The following ATP9A variants were observed in gnomAD, a reference collection of about 807,000 sequenced individuals.
The protein encoded by ATP9A is ATPase phospholipid transporting 9A.
A neutral mutation model predicts 144.1 loss-of-function variants in ATP9A; 52 were observed. The observed-to-expected ratio is 0.36, with a 90% CI of 0.29 to 0.45. The LOEUF (loss-of-function observed/expected upper bound fraction) is 0.45. Among genes scored for constraint, ATP9A ranks in the 20% least tolerant of loss-of-function variants. ATP9A has a pLI of 1.00. For missense variants in ATP9A, 947 were observed against 1,392.7 expected (o/e 0.68, Z 5.09); for synonymous variants, 582 against 557.4 (o/e 1.04, Z -0.62).
intron 27 of ATP9A, among the ~76,000 whole-genome samples, chr20:51,603,708 C>T (rs1272268039): frequency 6.6e-6 from 1 of 152,126 alleles, no homozygotes; most frequent in Non-Finnish European, 1.5e-5. Flanking sequence ...GAGAAATCTG[C>T]CACCACCCCA....
chr20:51,685,017 T>TAAAAAAAAAAAA (rs11325921), intron 9 of ATP9A, among the ~76,000 whole-genome samples: 7 of 139,860 alleles, frequency 5.0e-5, no homozygotes, highest in Non-Finnish European at 7.8e-5. Context: ...TCTCCAAAAA[T>TAAAAAAAAAAAA]AAAAAAAAAA....
intron 4 of ATP9A, among the ~76,000 whole-genome samples, chr20:51,700,703 G>GGGTA (rs1568826811): frequency 6.6e-6 from 1 of 152,096 alleles, no homozygotes; most frequent in Admixed American, 6.6e-5. Flanking sequence ...GGTGGCACAC[G>GGGTA]CCTGTAATCC....
At chr20:51,740,138 C>T (rs1176571912) in intron 1 of ATP9A, among the ~76,000 whole-genome samples, 1 of 151,972 alleles carries the variant, frequency 6.6e-6, no homozygotes, top group Non-Finnish European at 1.5e-5. Flanking sequence ...CTCTCTGGAG[C>T]CTCAACCTCC....
intron 27 of ATP9A, among the ~76,000 whole-genome samples, chr20:51,601,912 A>C (rs1254207786): frequency 6.6e-6 from 1 of 151,252 alleles, no homozygotes; most frequent in African/African-American, 2.5e-5. Flanking sequence ...GTCTCAAAAA[A>C]AAGAGAAAAA....
intron 7 of ATP9A, among the ~76,000 whole-genome samples, chr20:51,691,448 G>C (rs138508294): frequency 6.6e-6 from 1 of 152,166 alleles, no homozygotes; most frequent in Admixed American, 6.5e-5. Context: ...CAGCCTGGGC[G>C]ACAGAGCGAG....
intron 1 of ATP9A, among the ~76,000 whole-genome samples, chr20:51,741,688 T>C (rs1053736056): frequency 2.6e-5 from 4 of 152,248 alleles, no homozygotes; most frequent in African/African-American, 9.6e-5. Context: ...GGGATTTCTA[T>C]GATCTCCAAA....
chr20:51,753,996 GAT>G (rs1165985004), intron 1 of ATP9A, among the ~76,000 whole-genome samples: 2 of 151,636 alleles, frequency 1.3e-5, no homozygotes, highest in African/African-American at 4.8e-5. Context: ...TTTTTACATA[GAT>G]ATGTACTCAT....
At chr20:51,707,869 G>GTA (rs1015090074) in intron 4 of ATP9A, among the ~76,000 whole-genome samples, 7 of 151,756 alleles carry the variant, frequency 4.6e-5, no homozygotes, top group African/African-American at 1.7e-4. Context: ...GTGTGTGTGT[G>GTA]TAGCGTGTAT....
intron 14 of ATP9A, among the ~76,000 whole-genome samples, chr20:51,652,726 CT>C (rs1381102703): frequency 6.6e-6 from 1 of 152,038 alleles, no homozygotes; most frequent in Non-Finnish European, 1.5e-5. Flanking sequence ...TTATGGGCTA[CT>C]TTTTACTTTT....
chr20:51,666,470 C>G (rs2077433291), intron 13 of ATP9A, among the ~76,000 whole-genome samples: 1 of 152,064 alleles, frequency 6.6e-6, no homozygotes, highest in Non-Finnish European at 1.5e-5. Context: ...CACCTGAGGT[C>G]AGGAGTTTGA....
intron 15 of ATP9A, among the ~76,000 whole-genome samples, chr20:51,637,626 G>A (rs1206248031): frequency 1.3e-5 from 2 of 151,888 alleles, no homozygotes; most frequent in African/African-American, 2.4e-5. Context: ...AAAATTCTCC[G>A]CCAGCAGGCA....
intron 12 of ATP9A, among the ~76,000 whole-genome samples, chr20:51,670,585 C>T (rs1184364201): frequency 6.6e-6 from 1 of 152,136 alleles, no homozygotes; most frequent in African/African-American, 2.4e-5. Context: ...ATTTGGTGAG[C>T]CGCCCAGGAT....
intron 1 of ATP9A, among the ~76,000 whole-genome samples, chr20:51,748,797 A>AT (rs1161744953): frequency 2.0e-5 from 3 of 152,126 alleles, no homozygotes; most frequent in Non-Finnish European, 4.4e-5. Flanking sequence ...AAAAATAAAT[A>AT]TAACTGACCA....
chr20:51,763,811 T>C (rs2077892748), intron 1 of ATP9A, among the ~76,000 whole-genome samples: 1 of 152,132 alleles, frequency 6.6e-6, no homozygotes, highest in African/African-American at 2.4e-5. Context: ...AAAACGTAGA[T>C]TGTTACAATG....
intron 19 of ATP9A, among the ~76,000 whole-genome samples, chr20:51,621,375 G>A (rs893009696): frequency 3.9e-5 from 6 of 152,202 alleles, no homozygotes; most frequent in East Asian, 3.9e-4. Flanking sequence ...CGGGGTGAGG[G>A]CGAGACCCCC....
intron 3 of ATP9A, among the ~76,000 whole-genome samples, chr20:51,725,117 TTTTG>T (rs1215071613): frequency 2.6e-5 from 4 of 152,046 alleles, no homozygotes; most frequent in Non-Finnish European, 4.4e-5. Context: ...TTTGGAATTT[TTTTG>T]TTTGTTTTTG....
chr20:51,676,143 G>T lies in ATP9A; in HGVS notation c.865C>A (p.Pro289Thr), dbSNP rs893859781. 2 of 1,611,318 alleles carry T rather than the reference G, an allele frequency of 1.2e-6. No individual in the cohort carries two copies. The highest frequency in any genetic ancestry group is 3.3e-5 in the Admixed American group (2 of 59,814). ...GACCTCGTACACACCTTACTTCGGG[G>T]ATTTGAGGTATTCATGACACTCCGG... ...ELRSVMNTSNPRSKIGLFDLE... is the reference protein window; with the variant it reads ...ELRSVMNTSNTRSKIGLFDLE... The change falls in exon 10 of 28, where the codon CCC (proline) becomes ACC (threonine). Residue 289 changes from proline (P) to threonine (T), a missense_variant. Physicochemically the swap from Pro to Thr is conservative, Grantham distance 38. Around this residue, in one of 2 missense-constraint regions of ATP9A, gnomAD observed 770 missense variants for 1,047.9 expected, o/e 0.73. Transcript: ENST00000338821.
rs373936093 is a variant in ATP9A at position 51,610,531 on chromosome 20, T to C, written c.2572-366A>G. The stretch of plus-strand genomic sequence containing the variant: ...ATTAAGTTCCAGGACCCAGGAATGC[T>C]TTGTACATGAGCACAGCTGATCTCC... On this transcript the variant is annotated intron_variant, in intron 23 of 27. Coordinates refer to ENST00000338821, the MANE Select transcript of ATP9A (RefSeq NM_006045.3). 5.9e-5 allele frequency among the ~76,000 whole-genome samples: 9 copies of C among 152,288 alleles called. No individual in the cohort carries two copies. In the South Asian group the frequency reaches 1.7e-3, roughly 28 times the overall value.
intron 1 of ATP9A, among the ~76,000 whole-genome samples, chr20:51,743,438 C>T (rs1223398096): frequency 8.0e-6 from 1 of 125,180 alleles, no homozygotes; most frequent in Non-Finnish European, 1.6e-5. Context: ...CTCACTCTGT[C>T]ACCCAGGCTG....
Sources: allele counts gnomAD v4.1 joint callset (sites outside exome capture counted in the v4.1 genomes callset), GRCh38; gene constraint gnomAD v4.1.1; regional missense constraint gnomAD v4.1.1; transcripts MANE v1.5; gene names NCBI Gene and HGNC (gene_info 2026-07-23, HGNC 2026-07-21).